DHX30: variants seen among roughly 807,000 people sequenced by gnomAD.
DHX30 encodes the protein ATP-dependent RNA helicase DHX30.
A neutral mutation model predicts 116.9 loss-of-function variants in DHX30; 4 were observed. That is an observed-to-expected ratio of 0.03 (90% confidence interval 0.02 to 0.08). The LOEUF (loss-of-function observed/expected upper bound fraction) is 0.08, where lower values mean the gene tolerates loss of function less well. Among genes scored for constraint, DHX30 ranks in the 10% least tolerant of loss-of-function variants. The pLI is 1.00. For missense variants in DHX30, 871 were observed against 1,595.1 expected, an observed-to-expected ratio of 0.55 and a Z score of 7.73; for synonymous variants, 697 against 651.7, an observed-to-expected ratio of 1.07 and a Z score of -1.06.
Position 47,841,040 on chromosome 3 carries a change from G to A in DHX30, c.530G>A (p.Gly177Glu), listed in dbSNP as rs1004682710. 3 of 1,614,086 alleles carry A rather than the reference G, an allele frequency of 1.9e-6. No homozygotes were observed. The highest frequency in any genetic ancestry group is 1.3e-5 in the African/African-American group (1 of 74,940). ...AATCCAGAGAGTATTCGACCAGGGG[G>A]ACCTGGGGGCCTATCCCGCTCTTTA... ...QLNPESIRPGGPGGLSRSLGR... is the reference protein window; with the variant it reads ...QLNPESIRPGEPGGLSRSLGR... The change falls in exon 7 of 22, where the codon GGA becomes GAA. Residue 177 changes from glycine (G) to glutamate (E), a missense_variant. Coordinates refer to ENST00000445061, the MANE Select transcript of DHX30 (RefSeq NM_138615.3).
chr3:47,803,289 A>C (rs1008381411), intron 1 of DHX30, 77 bp downstream of exon 1: 44 of 388,778 alleles, frequency 1.1e-4, no homozygotes, highest in Non-Finnish European at 2.0e-4. Context: ...CGTCGTGAGG[A>C]GGGGGCCCGG....
chr3:47,814,048 G>T (rs1232719953), intron 3 of DHX30, among the ~76,000 whole-genome samples: 2 of 151,588 alleles, frequency 1.3e-5, no homozygotes, highest in African/African-American at 2.4e-5. Flanking sequence ...CTTGTAAAAG[G>T]TCGATGAAAG....
chr3:47,803,143 C>T lies in DHX30; in HGVS notation c.-192C>T, dbSNP rs1040535502. On this transcript the variant is annotated 5_prime_UTR_variant, in exon 1 of 22. Transcript: ENST00000445061. ...CGCCGCCGCTGCTGGGAGTTGTAGTCCGGCCGTGGTTGGGGGAGCCGCGGC... is the reference window on the plus strand; with the variant it reads ...CGCCGCCGCTGCTGGGAGTTGTAGTTCGGCCGTGGTTGGGGGAGCCGCGGC... 9.4e-5 allele frequency: 37 copies of T among 393,970 alleles called. No homozygotes were observed. Among genetic ancestry groups the T allele is most frequent in the Middle Eastern group, 1.3e-3 (2 of 1,564 alleles). The allele number at this position is 393,970 out of a possible 1,614,324, so 24.4% of individuals were successfully genotyped here.
intron 21 of DHX30, 43 bp from the exon 22 acceptor site, chr3:47,849,824 C>T (rs766989821): frequency 1.2e-6 from 2 of 1,608,506 alleles, no homozygotes; most frequent in East Asian, 2.2e-5. Context: ...CCTCCGGGGC[C>T]TGGCCTCACC....
chr3:47,826,790 G>C (rs1475120310), intron 4 of DHX30, among the ~76,000 whole-genome samples: 1 of 152,160 alleles, frequency 6.6e-6, no homozygotes, highest in Non-Finnish European at 1.5e-5. Flanking sequence ...CACATAGTTT[G>C]GTTCTGTGGG....
intron 3 of DHX30, among the ~76,000 whole-genome samples, chr3:47,812,557 C>CAAA (rs879626832): frequency 1.0e-5 from 1 of 99,390 alleles, no homozygotes. Flanking sequence ...GAATCCATCT[C>CAAA]AAAAAAAAAA....
At chr3:47,831,484 C>T (rs2036846024) in intron 6 of DHX30, among the ~76,000 whole-genome samples, 1 of 152,092 alleles carries the variant, frequency 6.6e-6, no homozygotes, top group Non-Finnish European at 1.5e-5. Context: ...TGTGTCTCTT[C>T]TGCATCTCCT....
chr3:47,836,509 A>G (rs1013685708), intron 6 of DHX30, among the ~76,000 whole-genome samples: 1 of 151,110 alleles, frequency 6.6e-6, no homozygotes, highest in African/African-American at 2.4e-5. Flanking sequence ...ATCTATGTGT[A>G]TAGTTTTGTT....
intron 3 of DHX30, chr3:47,816,815 T>C (rs2036080301): frequency 1.0e-6 from 1 of 985,220 alleles, no homozygotes. Context: ...AACATTTTGT[T>C]GTGAAAAATT....
At chr3:47,837,099 A>AGAGTCTTATGCTT (rs1553703956) in intron 6 of DHX30, among the ~76,000 whole-genome samples, 2 of 151,772 alleles carry the variant, frequency 1.3e-5, no homozygotes, top group African/African-American at 2.4e-5. Context: ...CCTAAATAGA[A>AGAGTCTTATGCTT]GAGGCTTATT....
At position 47,846,332 on chromosome 3, in the gene DHX30, G is replaced by T. The variant is rs777151634; in HGVS notation, c.1260G>T (p.Leu420=). 9 of 1,614,038 alleles carry T rather than the reference G, an allele frequency of 5.6e-6. No homozygotes were observed. Among genetic ancestry groups the T allele is most frequent in the Non-Finnish European group, 7.6e-6 (9 of 1,180,052 alleles). The part of the protein sequence containing the change: ...EVRLSQSLLE[L]WRRRGPVWQE... ...GTCTCAGCCAGAGTCTGCTAGAACT[G>T]TGGCGGCGGCGAGGGCCGGTCTGGC... The change falls in exon 11 of 22, where the codon CTG becomes CTT. Residue 420 remains leucine, a synonymous_variant. Transcript: ENST00000445061.
At chr3:47,818,958 C>T (rs1397538367) in intron 4 of DHX30, among the ~76,000 whole-genome samples, 1 of 152,132 alleles carries the variant, frequency 6.6e-6, no homozygotes, top group Non-Finnish European at 1.5e-5. Context: ...ACTCTAGGGT[C>T]TGTCTGTAAA....
intron 8 of DHX30, chr3:47,841,947 C>T (rs1277951445): frequency 1.9e-5 from 12 of 630,924 alleles, no homozygotes; most frequent in South Asian, 5.7e-5. Context: ...GCTTGGGGGC[C>T]GCAAGAGCAG....
At chr3:47,814,429 CAAAA>C (rs71625837) in intron 3 of DHX30, among the ~76,000 whole-genome samples, 1 of 92,652 alleles carries the variant, frequency 1.1e-5, no homozygotes. Context: ...TGTCTCAAAA[CAAAA>C]AAAAAAAAAA....
chr3:47,844,114 G>T lies in DHX30; in HGVS notation c.939+859G>T, dbSNP rs1209828953. Among the ~76,000 whole-genome samples the T allele has an allele frequency of 2.0e-5, 3 of 152,286 alleles. No individual in the cohort carries two copies. In the East Asian group the frequency reaches 5.8e-4, roughly 29 times the overall value. Reference sequence around the variant, plus strand: ...GTTAGTAATCTCAACCCATGTTGGTGGAGGTTTAGTTTGCAGACCAAGATA... The same window carrying T: ...GTTAGTAATCTCAACCCATGTTGGTTGAGGTTTAGTTTGCAGACCAAGATA... On this transcript the variant is annotated intron_variant, in intron 9 of 21. Transcript: ENST00000445061.
intron 4 of DHX30, among the ~76,000 whole-genome samples, chr3:47,820,707 G>A (rs1455385081): frequency 6.6e-6 from 1 of 152,130 alleles, no homozygotes; most frequent in Admixed American, 6.6e-5. Context: ...GCTGCTAGAT[G>A]TAGTTGTTTA....
chr3:47,846,820 C>A lies in DHX30; in HGVS notation c.1748C>A (p.Pro583Gln). 1 of 1,612,740 alleles carries A rather than the reference C, an allele frequency of 6.2e-7. No individual in the cohort carries two copies. The highest frequency in any genetic ancestry group is 2.2e-5 in the East Asian group (1 of 44,856). ...CTCAAGGGCCTGCAGCGGCTCAACC[C>A]GGCCCTGCGGCTGGTGCTCATGAGT... is the stretch of plus-strand genomic sequence containing the variant. ...ILLKGLQRLN[P>Q]ALRLVLMSAT... The change falls in exon 11 of 22, where the codon CCG becomes CAG. Residue 583 changes from proline (P) to glutamine (Q), a missense_variant. By Grantham distance (76) the Pro-to-Gln change is moderately conservative. Coordinates refer to ENST00000445061, the MANE Select transcript of DHX30 (RefSeq NM_138615.3).
Position 47,848,329 on chromosome 3 carries a change from G to A in DHX30, c.2436G>A (p.Leu812=), listed in dbSNP as rs1266896189. The A allele has an allele frequency of 1.2e-6, 2 of 1,614,106 alleles. No homozygotes were observed. Among genetic ancestry groups the A allele is most frequent in the South Asian group, 1.1e-5 (1 of 91,090 alleles). The change falls in exon 15 of 22, where the codon CTG becomes CTA. Residue 812 remains leucine (L), a synonymous_variant. Coordinates refer to ENST00000445061, the MANE Select transcript of DHX30 (RefSeq NM_138615.3). This position sits in a 1 kb window ranked among gnomAD's most constrained non-coding sequence, Gnocchi z 9.4. ...KMVPFQVPEI[L]RTPLENLVLQ... The stretch of plus-strand genomic sequence containing the variant: ...TCCCTTTCCAAGTGCCAGAGATCCT[G>A]CGCACACCTCTTGAGAACCTGGTGC...
chr3:47,829,265 T>C, intron 6 of DHX30, 131 bp downstream of exon 6: 1 of 337,464 alleles, frequency 3.0e-6, no homozygotes. Context: ...TCCTGATTCC[T>C]TTCTTACTGT....
Sources: gnomAD v4.1 joint callset for allele counts (sites outside exome capture counted in the v4.1 genomes callset) on GRCh38, gnomAD v4.1.1 for gene constraint, Gnocchi (gnomAD v3.1) non-coding constraint, MANE v1.5 for transcripts, NCBI Gene and HGNC (gene_info 2026-07-23, HGNC 2026-07-21) for gene names.